MEIS2: variants seen among roughly 807,000 people sequenced by gnomAD.
The protein encoded by MEIS2 is homeobox protein Meis2.
MEIS2 carries 9 observed loss-of-function variants against 58.6 expected under a neutral mutation model. The observed-to-expected ratio is 0.15, with a 90% confidence interval of 0.09 to 0.27. The LOEUF is 0.27. Ranked by LOEUF, MEIS2 falls within the 10% of genes least tolerant of loss-of-function variation. The pLI, the probability that MEIS2 is intolerant of heterozygous loss-of-function variation, is 1.00. For synonymous variants in MEIS2, 221 were observed against 228.4 expected, an observed-to-expected ratio of 0.97 and a Z score of 0.29; for missense variants, 427 against 635.0, an observed-to-expected ratio of 0.67 and a Z score of 3.52.
intron 8 of MEIS2, among the ~76,000 whole-genome samples, chr15:36,977,704 G>A (rs2059804123): frequency 1.3e-5 from 2 of 152,182 alleles, no homozygotes. Context: ...GACACAGAAA[G>A]CAGGAGCCTT....
At chr15:36,992,820 C>A (rs909733028) in intron 8 of MEIS2, among the ~76,000 whole-genome samples, 1 of 152,058 alleles carries the variant, frequency 6.6e-6, no homozygotes, top group African/African-American at 2.4e-5. Context: ...TGAGAGGAAT[C>A]TACTCAGGTT....
At chr15:37,024,440 C>T (rs1461786935) in intron 8 of MEIS2, among the ~76,000 whole-genome samples, 1 of 152,182 alleles carries the variant, frequency 6.6e-6, no homozygotes, top group African/African-American at 2.4e-5. Flanking sequence ...TTAGCTCCAA[C>T]TCTCAAACTA....
rs144467077 is a variant in MEIS2, at chr15:36,932,977, C to T, written c.977+17347G>A. ...GCCCAAGTGAGTAAACAAATGAGAA[C>T]TCTGAAATCTCTCCAGGGTAGCCCA... On this transcript the variant is annotated intron_variant, in intron 9 of 11. Coordinates refer to ENST00000561208, the MANE Select transcript of MEIS2 (RefSeq NM_170675.5). Among the ~76,000 whole-genome samples, 6 of 152,258 alleles carry T rather than the reference C, an allele frequency of 3.9e-5. No homozygotes were observed. The East Asian group carries it at 7.7e-4, about 20-fold the overall frequency.
intron 8 of MEIS2, among the ~76,000 whole-genome samples, chr15:36,970,546 G>A (rs1756123859): frequency 6.6e-6 from 1 of 152,132 alleles, no homozygotes; most frequent in Admixed American, 6.5e-5. Flanking sequence ...AAGAAAATCT[G>A]GATTTCAACA....
At chr15:36,930,542 A>G (rs989480829) in intron 9 of MEIS2, among the ~76,000 whole-genome samples, 4 of 152,122 alleles carry the variant, frequency 2.6e-5, no homozygotes, top group African/African-American at 9.7e-5. Flanking sequence ...CCTCATTCCC[A>G]TGTCCTCGGC....
chr15:36,973,693 G>A (rs556062525), intron 8 of MEIS2, among the ~76,000 whole-genome samples: 1 of 152,044 alleles, frequency 6.6e-6, no homozygotes, highest in Non-Finnish European at 1.5e-5. Context: ...TAAAGAGGAT[G>A]ACTGGAGTAA....
intron 8 of MEIS2, among the ~76,000 whole-genome samples, chr15:36,960,995 G>C (rs1054759259): frequency 1.3e-5 from 2 of 152,034 alleles, no homozygotes; most frequent in African/African-American, 4.8e-5. Flanking sequence ...ACTCCCCACA[G>C]TTTTATCTTA....
intron 7 of MEIS2, among the ~76,000 whole-genome samples, chr15:37,038,473 T>A (rs1265582272): frequency 6.6e-6 from 1 of 152,214 alleles, no homozygotes; most frequent in East Asian, 1.9e-4. Context: ...AGATTAATTT[T>A]ATTGACATTT....
intron 8 of MEIS2, among the ~76,000 whole-genome samples, chr15:36,992,789 A>AG (rs1467600451): frequency 6.6e-6 from 1 of 151,634 alleles, no homozygotes; most frequent in East Asian, 1.9e-4. Context: ...AATGAGGAAG[A>AG]GGGGGAGAGA....
chr15:37,014,437 G>A (rs561128278), intron 8 of MEIS2, among the ~76,000 whole-genome samples: 6 of 152,140 alleles, frequency 3.9e-5, no homozygotes, highest in Non-Finnish European at 8.8e-5. Context: ...TCCCAAAAGA[G>A]AGAAAACAAC....
At chr15:37,025,280 C>A (rs1034407658) in intron 8 of MEIS2, among the ~76,000 whole-genome samples, 4 of 152,192 alleles carry the variant, frequency 2.6e-5, no homozygotes, top group Admixed American at 6.5e-5. Context: ...TCTTAGCTAA[C>A]CCTCAAAACA....
chr15:37,097,891 C>T (rs1045960251), intron 2 of MEIS2, 76 bp downstream of exon 2: 9 of 1,485,370 alleles, frequency 6.1e-6, no homozygotes, highest in Non-Finnish European at 8.1e-6. Flanking sequence ...TAGTCGTCCA[C>T]CTTCCCACCC....
At chr15:36,934,968 G>A (rs1475738163) in intron 9 of MEIS2, among the ~76,000 whole-genome samples, 2 of 152,028 alleles carry the variant, frequency 1.3e-5, no homozygotes, top group East Asian at 3.9e-4. Context: ...GGATACCTTG[G>A]CAGAGACATA....
At chr15:36,930,519 A>G (rs1342332781) in intron 9 of MEIS2, among the ~76,000 whole-genome samples, 2 of 152,144 alleles carry the variant, frequency 1.3e-5, no homozygotes, top group African/African-American at 2.4e-5. Flanking sequence ...AGCGATATGC[A>G]TTATCGCTCA....
At chr15:37,058,736 G>A (rs190760680) in intron 7 of MEIS2, among the ~76,000 whole-genome samples, 1 of 152,256 alleles carries the variant, frequency 6.6e-6, no homozygotes, top group African/African-American at 2.4e-5. Context: ...AAATTCATCA[G>A]CAAAGGCTCC....
At chr15:36,915,942 A>G (rs1444450918) in intron 9 of MEIS2, among the ~76,000 whole-genome samples, 5 of 152,194 alleles carry the variant, frequency 3.3e-5, no homozygotes, top group Admixed American at 1.3e-4. Flanking sequence ...GTCAAGCTCT[A>G]TTGGGTTATC....
chr15:36,939,599 C>T (rs967211), intron 9 of MEIS2, among the ~76,000 whole-genome samples: 90,894 of 151,622 alleles, frequency 0.6, 27,944 homozygotes, highest in East Asian at 0.88. Flanking sequence ...GAAAATCATA[C>T]CATCTCCATG....
At chr15:36,950,293 G>A in intron 9 of MEIS2, 31 bp downstream of exon 9, 2 of 1,554,362 alleles carry the variant, frequency 1.3e-6, no homozygotes, top group Non-Finnish European at 1.8e-6. Flanking sequence ...TTTAGCCATG[G>A]GAGAAAGACA....
intron 7 of MEIS2, among the ~76,000 whole-genome samples, chr15:37,054,663 C>A (rs2063061954): frequency 6.6e-6 from 1 of 152,174 alleles, no homozygotes; most frequent in African/African-American, 2.4e-5. Flanking sequence ...AAGCGATTCT[C>A]CTGTCTCAAC....
Sources: gnomAD v4.1 joint callset for allele counts (sites outside exome capture counted in the v4.1 genomes callset) on GRCh38, gnomAD v4.1.1 for gene constraint, MANE v1.5 for transcripts, NCBI Gene and HGNC (gene_info 2026-07-23, HGNC 2026-07-21) for gene names.